Variants in CSNK1A1 observed in about 807,000 individuals in gnomAD.
CSNK1A1 encodes casein kinase I isoform alpha.
CSNK1A1 carries 7 observed loss-of-function variants against 46.1 expected under a neutral mutation model. The observed-to-expected ratio is 0.15, with a 90% CI of 0.09 to 0.29. The LOEUF (loss-of-function observed/expected upper bound fraction) is 0.29. CSNK1A1 is among the 10% of genes least tolerant of loss of function. CSNK1A1 has a pLI of 1.00. For synonymous variants in CSNK1A1, 137 were observed against 141.5 expected, an observed-to-expected ratio of 0.97 and a Z score of 0.23; for missense variants, 96 against 417.1, an observed-to-expected ratio of 0.23 and a Z score of 6.71.
chr5:149,515,100 C>T (rs1368258462), intron 4 of CSNK1A1, among the ~76,000 whole-genome samples: 1 of 152,034 alleles, frequency 6.6e-6, no homozygotes, highest in Non-Finnish European at 1.5e-5. Flanking sequence ...GAAAAGAAAA[C>T]ATGGGGAAAA....
At chr5:149,548,739 C>G (rs960236772) in intron 2 of CSNK1A1, among the ~76,000 whole-genome samples, 2 of 152,080 alleles carry the variant, frequency 1.3e-5, no homozygotes, top group Non-Finnish European at 2.9e-5. Flanking sequence ...ATCCCAGCTA[C>G]TCAGGAGGCT....
intron 2 of CSNK1A1, chr5:149,545,532 C>T (rs571916304): frequency 3.0e-6 from 2 of 657,014 alleles, no homozygotes; most frequent in East Asian, 3.0e-5. Flanking sequence ...AAGCACACTT[C>T]CCAAGCTTGG....
intron 2 of CSNK1A1, among the ~76,000 whole-genome samples, chr5:149,531,191 A>C (rs1380395139): frequency 2.6e-5 from 4 of 152,164 alleles, no homozygotes; most frequent in African/African-American, 9.7e-5. Context: ...AGGCATTATA[A>C]AGAAAATCAA....
At chr5:149,501,610 C>T (rs1436847346) in intron 9 of CSNK1A1, 1 of 985,018 alleles carries the variant, frequency 1.0e-6, no homozygotes, top group Non-Finnish European at 1.2e-6. Flanking sequence ...TATGATAAAA[C>T]TCTGCTTAGT....
Position 149,495,337 on chromosome 5 carries a change from CATTT to C in CSNK1A1, c.*1512_*1515del, listed in dbSNP as rs1218204593. ...CATTTACACAATAGGCTCCCGGCAGCATTTCCAGACAAATGTTCTTTTAATTTAT... is the reference window on the plus strand; with the variant it reads ...CATTTACACAATAGGCTCCCGGCAGCCCAGACAAATGTTCTTTTAATTTAT... On this transcript the variant is annotated 3_prime_UTR_variant, in exon 10 of 10. Transcript: ENST00000377843. The C allele has an allele frequency of 2.0e-5, 3 of 152,190 alleles. No individual in the cohort carries two copies. Among genetic ancestry groups the C allele is most frequent in the Non-Finnish European group, 4.4e-5 (3 of 68,026 alleles). The allele number at this position is 152,190 out of a possible 1,614,324, so 9.4% of individuals were successfully genotyped here. A position where few individuals can be genotyped will look rare whatever the true frequency, so the allele number is the denominator to read the frequency against.
At chr5:149,498,333 GATAAC>G in intron 9 of CSNK1A1, 4 of 985,138 alleles carry the variant, frequency 4.1e-6, no homozygotes, top group Non-Finnish European at 4.8e-6. Context: ...AAAAATGAAA[GATAAC>G]ATAACTTTGA....
At chr5:149,508,518 T>A (rs997701982) in intron 7 of CSNK1A1, among the ~76,000 whole-genome samples, 10 of 152,250 alleles carry the variant, frequency 6.6e-5, no homozygotes, top group African/African-American at 2.2e-4. Flanking sequence ...CTTCTTTTTA[T>A]GGATGAGATC....
intron 2 of CSNK1A1, among the ~76,000 whole-genome samples, chr5:149,543,387 T>C (rs893807429): frequency 2.0e-5 from 3 of 152,164 alleles, no homozygotes; most frequent in Non-Finnish European, 4.4e-5. Flanking sequence ...TATTACATTA[T>C]CTCATAAGCC....
intron 2 of CSNK1A1, among the ~76,000 whole-genome samples, chr5:149,542,821 A>G (rs2125133): frequency 0.29 from 41,279 of 144,584 alleles, 6,517 homozygotes; most frequent in East Asian, 0.63. Flanking sequence ...TCAGCCTCCC[A>G]AGTAGCTGGG....
intron 9 of CSNK1A1, among the ~76,000 whole-genome samples, chr5:149,500,492 T>C (rs1760816326): frequency 6.6e-6 from 1 of 152,010 alleles, no homozygotes; most frequent in South Asian, 2.1e-4. Context: ...TCAGCCAGGA[T>C]GGTCTCAATC....
intron 7 of CSNK1A1, 66 bp downstream of exon 7, chr5:149,509,813 T>C: frequency 1.6e-5 from 20 of 1,246,822 alleles, no homozygotes; most frequent in Non-Finnish European, 2.3e-5. Context: ...AGTGCTGGGA[T>C]TACAGGTGTG....
intron 4 of CSNK1A1, 153 bp from the exon 5 acceptor site, chr5:149,513,362 C>A (rs1337136609): frequency 3.0e-6 from 2 of 672,296 alleles, no homozygotes; most frequent in South Asian, 2.5e-5. Context: ...GACTTAACAC[C>A]CCCCCATAAG....
chr5:149,548,834 CA>C (rs1762565536), intron 2 of CSNK1A1, among the ~76,000 whole-genome samples: 1 of 152,206 alleles, frequency 6.6e-6, no homozygotes, highest in Non-Finnish European at 1.5e-5. Flanking sequence ...GCCTGGACCA[CA>C]AGAGCGAAAA....
Position 149,496,526 on chromosome 5 carries a change from A to G in CSNK1A1, c.*327T>C, listed in dbSNP as rs1760659320. On this transcript the variant is annotated 3_prime_UTR_variant, in exon 10 of 10. Transcript: ENST00000377843. ...TAGTTCAAAACAAAAGGTTTTAACA[A>G]AAAATTGGCATATGCACAATTTCTC... 2 of 347,870 alleles carry G rather than the reference A, an allele frequency of 5.7e-6. No homozygotes were observed. Among genetic ancestry groups the G allele is most frequent in the Non-Finnish European group, 1.0e-5 (2 of 192,148 alleles). 21.5% of individuals were successfully genotyped at this position (347,870 alleles called of 1,614,324 possible).
chr5:149,547,611 G>A (rs1762521313), intron 2 of CSNK1A1, among the ~76,000 whole-genome samples: 1 of 151,178 alleles, frequency 6.6e-6, no homozygotes, highest in South Asian at 2.1e-4. Context: ...TGAAATTCTA[G>A]GAAAAACTAT....
chr5:149,515,114 A>C (rs1424139453), intron 4 of CSNK1A1, among the ~76,000 whole-genome samples: 1 of 152,222 alleles, frequency 6.6e-6, no homozygotes, highest in African/African-American at 2.4e-5. Context: ...GGGAAAATAA[A>C]CACAAAAGGA....
At chr5:149,506,427 G>C (rs1761027933) in intron 8 of CSNK1A1, among the ~76,000 whole-genome samples, 1 of 151,780 alleles carries the variant, frequency 6.6e-6, no homozygotes. Context: ...AGTAAAGATG[G>C]GGCTTCACCA....
intron 6 of CSNK1A1, among the ~76,000 whole-genome samples, chr5:149,511,536 T>C (rs935441392): frequency 1.3e-5 from 2 of 152,194 alleles, no homozygotes; most frequent in African/African-American, 4.8e-5. Context: ...CCCACTTCCA[T>C]CTAGATAGAG....
At chr5:149,511,717 T>G in intron 6 of CSNK1A1, 77 bp downstream of exon 6, 1 of 1,059,364 alleles carries the variant, frequency 9.4e-7, no homozygotes. Flanking sequence ...GAAGGGACCT[T>G]AAATCTTATC....
Sources: gnomAD v4.1 joint callset for allele counts (sites outside exome capture counted in the v4.1 genomes callset) on GRCh38, gnomAD v4.1.1 for gene constraint, MANE v1.5 for transcripts, NCBI Gene and HGNC (gene_info 2026-07-23, HGNC 2026-07-21) for gene names.